Variants in RNF180 observed in about 807,000 individuals in gnomAD.
RNF180 encodes ring finger protein 180.
A neutral mutation model predicts 59.2 loss-of-function variants in RNF180; 38 were observed. The observed-to-expected ratio is 0.64, with a 90% CI of 0.50 to 0.84. RNF180 has a LOEUF of 0.84. Ranked by LOEUF, RNF180 falls within the 40% of genes least tolerant of loss-of-function variation. The pLI, the probability that RNF180 is intolerant of heterozygous loss-of-function variation, is 0.00. For synonymous variants in RNF180, 262 were observed against 240.3 expected (o/e 1.09, Z -0.84); for missense variants, 705 against 700.9 (o/e 1.01, Z -0.07).
intron 4 of RNF180, among the ~76,000 whole-genome samples, chr5:64,214,864 G>GA (rs896245191): frequency 1.3e-5 from 2 of 151,992 alleles, no homozygotes; most frequent in Non-Finnish European, 2.9e-5. Flanking sequence ...ATTTTGGGTT[G>GA]AAAAAATGTT....
chr5:64,202,352 T>C (rs1191480480), intron 2 of RNF180, among the ~76,000 whole-genome samples: 1 of 152,238 alleles, frequency 6.6e-6, no homozygotes, highest in Admixed American at 6.5e-5. Context: ...TCCTGAGCTA[T>C]GTGCCATTTA....
chr5:64,268,844 G>A (rs1487426632), intron 5 of RNF180, among the ~76,000 whole-genome samples: 1 of 152,128 alleles, frequency 6.6e-6, no homozygotes, highest in Non-Finnish European at 1.5e-5. Context: ...TTTATGCAGA[G>A]CTGCCAGCTC....
At chr5:64,358,800 A>G (rs1160941379) in intron 7 of RNF180, among the ~76,000 whole-genome samples, 2 of 107,152 alleles carry the variant, frequency 1.9e-5, no homozygotes, top group African/African-American at 3.7e-5. Flanking sequence ...CCACCCCACA[A>G]CAGTACCCAG....
chr5:64,176,106 C>T (rs546447226), intron 1 of RNF180, among the ~76,000 whole-genome samples: 1 of 152,188 alleles, frequency 6.6e-6, no homozygotes, highest in South Asian at 2.1e-4. Context: ...AATCCTGGGC[C>T]TTTACTTTGA....
At chr5:64,345,486 A>G (rs1745518414) in intron 7 of RNF180, among the ~76,000 whole-genome samples, 1 of 152,236 alleles carries the variant, frequency 6.6e-6, no homozygotes, top group South Asian at 2.1e-4. Context: ...ATATAAGAGA[A>G]AAATAATGGA....
chr5:64,361,266 A>C (rs1450718432), intron 7 of RNF180, among the ~76,000 whole-genome samples: 5 of 150,356 alleles, frequency 3.3e-5, no homozygotes, highest in African/African-American at 1.2e-4. Flanking sequence ...CCTTAGTATC[A>C]AAAAACCAGT....
At chr5:64,186,680 T>C (rs982035817) in intron 1 of RNF180, among the ~76,000 whole-genome samples, 1 of 152,170 alleles carries the variant, frequency 6.6e-6, no homozygotes, top group African/African-American at 2.4e-5. Flanking sequence ...TATGGTCCAA[T>C]CAGAAATATT....
At chr5:64,282,129 G>A in intron 5 of RNF180, among the ~76,000 whole-genome samples, 1 of 152,130 alleles carries the variant, frequency 6.6e-6, no homozygotes, top group East Asian at 1.9e-4. Flanking sequence ...AATGGTACCA[G>A]CTCCTCTTCA....
intron 7 of RNF180, among the ~76,000 whole-genome samples, chr5:64,336,421 T>C (rs1438669420): frequency 6.6e-6 from 1 of 152,204 alleles, no homozygotes; most frequent in Non-Finnish European, 1.5e-5. Context: ...TCCAACTCTC[T>C]GCCACAATAA....
At chr5:64,265,658 C>G (rs955713922) in intron 5 of RNF180, among the ~76,000 whole-genome samples, 2 of 152,060 alleles carry the variant, frequency 1.3e-5, no homozygotes, top group African/African-American at 2.4e-5. Context: ...AGTCAGGTAG[C>G]GTGATGCCTC....
At chr5:64,248,635 G>A (rs189120132) in intron 5 of RNF180, among the ~76,000 whole-genome samples, 205 of 152,306 alleles carry the variant, frequency 1.3e-3, no homozygotes, top group African/African-American at 4.7e-3. Context: ...TGGAGAAATA[G>A]GAATGCCTTT....
intron 5 of RNF180, among the ~76,000 whole-genome samples, chr5:64,280,608 A>G (rs1741961551): frequency 6.6e-6 from 1 of 150,858 alleles, no homozygotes; most frequent in Non-Finnish European, 1.5e-5. Context: ...TGAAGATCAG[A>G]TGGTTTTAGG....
intron 5 of RNF180, among the ~76,000 whole-genome samples, chr5:64,246,457 C>T (rs1367839549): frequency 6.6e-6 from 1 of 152,100 alleles, no homozygotes; most frequent in Non-Finnish European, 1.5e-5. Context: ...GAAATACAAA[C>T]TACTATCAGA....
At chr5:64,338,559 C>T (rs567329194) in intron 7 of RNF180, among the ~76,000 whole-genome samples, 23 of 150,852 alleles carry the variant, frequency 1.5e-4, no homozygotes, top group Admixed American at 2.6e-4. Flanking sequence ...GGCGTGAATC[C>T]GGGAGGCAGA....
intron 5 of RNF180, among the ~76,000 whole-genome samples, chr5:64,270,707 A>G (rs541549534): frequency 6.6e-6 from 1 of 152,136 alleles, no homozygotes; most frequent in Non-Finnish European, 1.5e-5. Context: ...TTAAGGATTT[A>G]AAAATTTATT....
intron 7 of RNF180, among the ~76,000 whole-genome samples, chr5:64,337,395 C>CAACA (rs1409291088): frequency 1.3e-5 from 2 of 152,048 alleles, no homozygotes; most frequent in African/African-American, 4.8e-5. Context: ...GTTAAAGGTT[C>CAACA]AACATCTGTC....
At chr5:64,298,995 G>A (rs1320964012) in intron 5 of RNF180, among the ~76,000 whole-genome samples, 1 of 151,960 alleles carries the variant, frequency 6.6e-6, no homozygotes, top group Non-Finnish European at 1.5e-5. Context: ...CCAAGGTGAT[G>A]GTGTTGTTAG....
chr5:64,214,661 A>T, intron 4 of RNF180, 144 bp downstream of exon 4: 2 of 671,856 alleles, frequency 3.0e-6, no homozygotes, highest in Non-Finnish European at 5.0e-6. Flanking sequence ...TGCACTCAGT[A>T]ATCATGCAGC....
chr5:64,308,208 A>G lies in RNF180; in HGVS notation c.1228-16978A>G, dbSNP rs1743572456. 5.3e-5 allele frequency among the ~76,000 whole-genome samples: 8 copies of G among 151,848 alleles called. No individual in the cohort carries two copies. In the South Asian group the frequency reaches 1.7e-3, roughly 31 times the overall value. On this transcript the variant is annotated intron_variant, in intron 5 of 7. Transcript: ENST00000389100. ...ATTCAGTCAATCCTCATTATTTGTTAGTTCCACATTTGTGAATTTGCATAC... is the reference window on the plus strand; with the variant it reads ...ATTCAGTCAATCCTCATTATTTGTTGGTTCCACATTTGTGAATTTGCATAC...
Sources: allele counts gnomAD v4.1 joint callset (sites outside exome capture counted in the v4.1 genomes callset), GRCh38; gene constraint gnomAD v4.1.1; transcripts MANE v1.5; gene names NCBI Gene and HGNC (gene_info 2026-07-23, HGNC 2026-07-21).